The following CACNB2 variants were observed in gnomAD, a reference collection of about 807,000 sequenced individuals.
CACNB2 encodes calcium voltage-gated channel auxiliary subunit beta 2.
Under a neutral mutation model 73.3 loss-of-function variants are expected in CACNB2, and 42 were observed. The ratio of observed to expected loss-of-function variants is 0.57; its 90% CI spans 0.45 to 0.74. The LOEUF (loss-of-function observed/expected upper bound fraction) is 0.74. Ranked by LOEUF, CACNB2 falls within the 30% of genes least tolerant of loss-of-function variation. The pLI, the probability that CACNB2 is intolerant of heterozygous loss-of-function variation, is 0.00. For synonymous variants in CACNB2, 348 were observed against 310.3 expected (o/e 1.12, Z -1.28); for missense variants, 940 against 853.0 (o/e 1.10, Z -1.27).
chr10:18,364,738 A>G (rs766239461), intron 2 of CACNB2, among the ~76,000 whole-genome samples: 2 of 151,996 alleles, frequency 1.3e-5, no homozygotes, highest in African/African-American at 4.8e-5. Context: ...TGTGTGTATC[A>G]ATTTACTTTC....
intron 2 of CACNB2, among the ~76,000 whole-genome samples, chr10:18,370,912 C>G (rs1374552139): frequency 6.6e-6 from 1 of 152,118 alleles, no homozygotes; most frequent in East Asian, 1.9e-4. Context: ...GATAGGTACA[C>G]ATGTATATGT....
chr10:18,228,450 G>GAAAAAAAAA (rs1275938431), intron 2 of CACNB2, among the ~76,000 whole-genome samples: 1 of 68,992 alleles, frequency 1.4e-5, no homozygotes, highest in African/African-American at 5.6e-5. Context: ...AAAAAAAAAA[G>GAAAAAAAAA]AAAAAAAAAA....
intron 1 of CACNB2, among the ~76,000 whole-genome samples, chr10:18,145,701 A>G (rs1266295156): frequency 6.6e-6 from 1 of 152,180 alleles, no homozygotes; most frequent in Non-Finnish European, 1.5e-5. Context: ...GCATGTCTCT[A>G]TCCTACACGT....
chr10:18,451,679 C>A (rs954224759), intron 3 of CACNB2, among the ~76,000 whole-genome samples: 1 of 152,186 alleles, frequency 6.6e-6, no homozygotes, highest in Non-Finnish European at 1.5e-5. Flanking sequence ...TTTTGCTCCG[C>A]AGTTCCCTTC....
intron 3 of CACNB2, among the ~76,000 whole-genome samples, chr10:18,408,973 C>T (rs946382711): frequency 6.6e-6 from 1 of 152,128 alleles, no homozygotes; most frequent in Non-Finnish European, 1.5e-5. Context: ...CCACCTCAGC[C>T]TCCAGAATAG....
intron 2 of CACNB2, among the ~76,000 whole-genome samples, chr10:18,348,466 T>C (rs893772602): frequency 5.9e-5 from 9 of 151,988 alleles, no homozygotes; most frequent in Non-Finnish European, 1.3e-4. Flanking sequence ...GACGGACGGA[T>C]GGACAGATGG....
intron 3 of CACNB2, among the ~76,000 whole-genome samples, chr10:18,451,495 T>G (rs2047020152): frequency 6.6e-6 from 1 of 152,226 alleles, no homozygotes; most frequent in African/African-American, 2.4e-5. Context: ...TAAACTAGGT[T>G]GCGACAGAAT....
chr10:18,281,867 C>T (rs1422023652), intron 2 of CACNB2, among the ~76,000 whole-genome samples: 1 of 151,510 alleles, frequency 6.6e-6, no homozygotes, highest in Non-Finnish European at 1.5e-5. Context: ...ATAGTCCCAG[C>T]TACTTGGGAG....
intron 2 of CACNB2, among the ~76,000 whole-genome samples, chr10:18,219,854 C>G (rs2035660227): frequency 6.6e-6 from 1 of 151,006 alleles, no homozygotes; most frequent in African/African-American, 2.4e-5. Context: ...ACTGCAGCCT[C>G]CACCTCCCGA....
At chr10:18,262,107 T>C (rs2037575496) in intron 2 of CACNB2, 1 of 481,630 alleles carries the variant, frequency 2.1e-6, no homozygotes, top group Admixed American at 2.2e-5. Context: ...ACTGCAGTGC[T>C]GAATTGCTTA....
At chr10:18,475,637 C>T in intron 3 of CACNB2, among the ~76,000 whole-genome samples, 1 of 152,048 alleles carries the variant, frequency 6.6e-6, no homozygotes, top group Admixed American at 6.6e-5. Context: ...TGACCTTACC[C>T]CAAATAACAA....
intron 3 of CACNB2, among the ~76,000 whole-genome samples, chr10:18,456,196 C>T (rs2047270126): frequency 6.6e-6 from 1 of 152,146 alleles, no homozygotes; most frequent in Non-Finnish European, 1.5e-5. Context: ...CTTGGCCAGG[C>T]ACGGTGGCTC....
chr10:18,289,119 C>G (rs897624403), intron 2 of CACNB2, among the ~76,000 whole-genome samples: 4 of 151,994 alleles, frequency 2.6e-5, no homozygotes, highest in Non-Finnish European at 5.9e-5. Context: ...TGATTTTGAA[C>G]TGATTAAAAA....
chr10:18,318,670 C>T (rs1413014723), intron 2 of CACNB2, among the ~76,000 whole-genome samples: 9 of 152,050 alleles, frequency 5.9e-5, no homozygotes, highest in Non-Finnish European at 1.2e-4. Context: ...AACAGGTAAC[C>T]TACAGAATAG....
At chr10:18,466,515 T>G (rs1393521209) in intron 3 of CACNB2, among the ~76,000 whole-genome samples, 2 of 152,130 alleles carry the variant, frequency 1.3e-5, no homozygotes, top group South Asian at 4.1e-4. Context: ...GTATTTCTCA[T>G]CAGCTTGGTT....
At position 18,261,344 on chromosome 10, in the gene CACNB2, A is replaced by C. The variant is rs1335555467; in HGVS notation, c.213+110369A>C. 20 of 1,551,502 alleles carry C rather than the reference A, an allele frequency of 1.3e-5. 1 individual carries two copies. The Middle Eastern group carries it at 2.0e-3, about 156-fold the overall frequency. On this transcript the variant is annotated intron_variant, in intron 2 of 13. Transcript: ENST00000324631. ...TAAGTTTCTATTGCTGTAGAATTGCAGCTGGGAGCTGAAAATACTATTCGT... is the reference window on the plus strand; with the variant it reads ...TAAGTTTCTATTGCTGTAGAATTGCCGCTGGGAGCTGAAAATACTATTCGT...
intron 1 of CACNB2, among the ~76,000 whole-genome samples, chr10:18,149,320 A>T (rs1162010490): frequency 2.0e-5 from 3 of 152,250 alleles, no homozygotes; most frequent in Non-Finnish European, 4.4e-5. Context: ...TCAACAGTTT[A>T]CTGAATAATG....
chr10:18,184,372 T>C (rs924639242), intron 2 of CACNB2, among the ~76,000 whole-genome samples: 5 of 152,212 alleles, frequency 3.3e-5, no homozygotes, highest in African/African-American at 1.2e-4. Flanking sequence ...ATGACAAGTT[T>C]AGATTTATCA....
intron 3 of CACNB2, among the ~76,000 whole-genome samples, chr10:18,432,284 C>G (rs1398245941): frequency 1.3e-5 from 2 of 152,188 alleles, no homozygotes; most frequent in African/African-American, 2.4e-5. Context: ...GACAACAAAT[C>G]TGTCACCCAA....
Sources: gnomAD v4.1 joint callset for allele counts (sites outside exome capture counted in the v4.1 genomes callset) on GRCh38, gnomAD v4.1.1 for gene constraint, MANE v1.5 for transcripts, NCBI Gene and HGNC (gene_info 2026-07-23, HGNC 2026-07-21) for gene names.